CYB5A: variants seen among roughly 807,000 people sequenced by gnomAD.
CYB5A encodes the protein cytochrome b5.
A neutral mutation model predicts 16.2 loss-of-function variants in CYB5A; 10 were observed. The ratio of observed to expected loss-of-function variants is 0.62; its 90% CI spans 0.38 to 1.04. CYB5A has a LOEUF of 1.04. CYB5A is among the 50% of genes least tolerant of loss of function. The pLI is 0.01. For missense variants in CYB5A, 161 were observed against 165.9 expected, an observed-to-expected ratio of 0.97 and a Z score of 0.16; for synonymous variants, 62 against 57.0, an observed-to-expected ratio of 1.09 and a Z score of -0.40.
chr18:74,260,620 C>T (rs1177015222), intron 3 of CYB5A: 7 of 443,964 alleles, frequency 1.6e-5, no homozygotes, highest in Non-Finnish European at 2.5e-5. Flanking sequence ...TCTTTTAGAT[C>T]AGAAGCACGT....
intron 3 of CYB5A, chr18:74,260,064 T>C (rs1982138884): frequency 1.3e-5 from 2 of 152,310 alleles, no homozygotes; most frequent in South Asian, 4.1e-4. Context: ...TTGATCCTTT[T>C]GTAGATTAAA....
At chr18:74,272,334 C>T (rs4892192) in intron 1 of CYB5A, among the ~76,000 whole-genome samples, 19,668 of 152,170 alleles carry the variant, frequency 0.13, 1,457 homozygotes, top group Admixed American at 0.2. Context: ...GCAGTAAGGA[C>T]GACCCAAATG....
chr18:74,274,466 A>T (rs1982790274), intron 1 of CYB5A, among the ~76,000 whole-genome samples: 1 of 152,238 alleles, frequency 6.6e-6, no homozygotes, highest in Admixed American at 6.5e-5. Flanking sequence ...GATTTCAATA[A>T]ATAATAAATT....
chr18:74,285,897 C>T (rs976068647), intron 1 of CYB5A, among the ~76,000 whole-genome samples: 2 of 151,192 alleles, frequency 1.3e-5, no homozygotes. Context: ...CCCAAGAATC[C>T]CACTTACAAA....
chr18:74,287,364 A>G (rs1255135163), intron 1 of CYB5A, among the ~76,000 whole-genome samples: 2 of 152,206 alleles, frequency 1.3e-5, no homozygotes, highest in East Asian at 3.8e-4. Flanking sequence ...TATGTTTTTC[A>G]AAATTAAGGG....
chr18:74,280,093 T>G (rs1983034091), intron 1 of CYB5A, among the ~76,000 whole-genome samples: 1 of 152,142 alleles, frequency 6.6e-6, no homozygotes, highest in East Asian at 1.9e-4. Context: ...TATCCAGGCT[T>G]AAATACGGTG....
intron 1 of CYB5A, among the ~76,000 whole-genome samples, chr18:74,285,917 T>A (rs1189006653): frequency 1.3e-5 from 2 of 148,376 alleles, no homozygotes; most frequent in African/African-American, 5.0e-5. Context: ...AGATCTACCA[T>A]AAGGAGGTAA....
intron 3 of CYB5A, chr18:74,256,634 C>CA (rs1981993361): frequency 1.7e-6 from 1 of 587,028 alleles, no homozygotes; most frequent in Non-Finnish European, 3.0e-6. Flanking sequence ...GCATTAGGGC[C>CA]TCAAACAGAA....
At chr18:74,254,442 C>G (rs1228444460) in intron 4 of CYB5A, among the ~76,000 whole-genome samples, 3 of 146,138 alleles carry the variant, frequency 2.1e-5, no homozygotes, top group Non-Finnish European at 4.5e-5. Flanking sequence ...AGTCCTGATG[C>G]ATAGAATTTC....
chr18:74,261,955 G>A (rs1982218933), intron 2 of CYB5A, among the ~76,000 whole-genome samples: 1 of 152,182 alleles, frequency 6.6e-6, no homozygotes, highest in African/African-American at 2.4e-5. Flanking sequence ...GCAGGACGGA[G>A]CCAGGCACTC....
chr18:74,262,979 G>A (rs1490702626), intron 2 of CYB5A, among the ~76,000 whole-genome samples: 3 of 151,986 alleles, frequency 2.0e-5, no homozygotes, highest in Non-Finnish European at 1.5e-5. Flanking sequence ...GTGAAACCCC[G>A]TCTCTACAAA....
chr18:74,261,784 T>C (rs1383498659), intron 2 of CYB5A: 1 of 152,272 alleles, frequency 6.6e-6, no homozygotes, highest in African/African-American at 2.4e-5. Context: ...ATCAGTGGTA[T>C]ACGATAAGAC....
chr18:74,252,685 C>G lies in CYB5A; in HGVS notation c.*899G>C, dbSNP rs938614178. 3 of 151,944 alleles carry G rather than the reference C, an allele frequency of 2.0e-5. No individual in the cohort carries two copies. Among genetic ancestry groups the G allele is most frequent in the Non-Finnish European group, 4.4e-5 (3 of 68,012 alleles). The allele number at this position is 151,944 out of a possible 1,614,324, so 9.4% of individuals were successfully genotyped here. A position where few individuals can be genotyped will look rare whatever the true frequency, so the allele number is the denominator to read the frequency against. ...TTCAATCAGTGAAGATAAGAAGTCT[C>G]TCTTATAGGCCCTGTAGGCTACTTT... On this transcript the variant is annotated 3_prime_UTR_variant, in exon 5 of 5. Transcript: ENST00000340533.
intron 4 of CYB5A, among the ~76,000 whole-genome samples, chr18:74,254,396 T>G (rs1981884236): frequency 1.4e-5 from 1 of 71,792 alleles, no homozygotes; most frequent in South Asian, 4.9e-4. Context: ...CAGGTCTAAA[T>G]TCACCAAAAA....
At position 74,251,972 on chromosome 18, in the gene CYB5A, G is replaced by C. The variant is rs1228238506; in HGVS notation, c.*1612C>G. The C allele has an allele frequency of 1.3e-5, 2 of 152,028 alleles. No individual in the cohort carries two copies. The highest frequency in any genetic ancestry group is 4.8e-5 in the African/African-American group (2 of 41,298). 9.4% of individuals were successfully genotyped at this position (152,028 alleles called of 1,614,324 possible). The stretch of plus-strand genomic sequence containing the variant: ...TCGATTCACTTCATAGTTGATTTAG[G>C]AGCAATGTTTTAAAAACTACTAAAA... On this transcript the variant is annotated 3_prime_UTR_variant, in exon 5 of 5. Coordinates refer to ENST00000340533, the MANE Select transcript of CYB5A (RefSeq NM_148923.4).
At chr18:74,260,425 G>A in intron 3 of CYB5A, 1 of 223,274 alleles carries the variant, frequency 4.5e-6, no homozygotes, top group South Asian at 6.1e-5. Flanking sequence ...CTTTCCCAAG[G>A]AAAAGTAAGT....
At chr18:74,276,863 T>C (rs1335439228) in intron 1 of CYB5A, among the ~76,000 whole-genome samples, 1 of 152,148 alleles carries the variant, frequency 6.6e-6, no homozygotes, top group Admixed American at 6.5e-5. Context: ...ATCTGCAGGA[T>C]TAAGTCATAT....
Position 74,266,873 on chromosome 18 carries a change from T to C in CYB5A, c.130-3396A>G, listed in dbSNP as rs535477386. 2.0e-5 allele frequency among the ~76,000 whole-genome samples: 3 copies of C among 150,950 alleles called. No individual in the cohort carries two copies. In the South Asian group the frequency reaches 6.3e-4, roughly 31 times the overall value. ...AAAACATAGCTTAGAATAAACTAAC[T>C]GATACTAAAATATTTTCACTCCATC... is the stretch of plus-strand genomic sequence containing the variant. On this transcript the variant is annotated intron_variant, in intron 1 of 4. Transcript: ENST00000340533.
At chr18:74,279,043 A>G (rs1599262772) in intron 1 of CYB5A, among the ~76,000 whole-genome samples, 2 of 152,224 alleles carry the variant, frequency 1.3e-5, no homozygotes, top group African/African-American at 2.4e-5. Flanking sequence ...CAAGAGCAGG[A>G]GGGCACTGTG....
Sources: gnomAD v4.1 joint callset for allele counts (sites outside exome capture counted in the v4.1 genomes callset) on GRCh38, gnomAD v4.1.1 for gene constraint, MANE v1.5 for transcripts, NCBI Gene and HGNC (gene_info 2026-07-23, HGNC 2026-07-21) for gene names.